The following MYLK4 variants were observed in gnomAD, a reference collection of about 807,000 sequenced individuals.
The protein encoded by MYLK4 is caMLCK like.
A neutral mutation model predicts 48.1 loss-of-function variants in MYLK4; 46 were observed. The observed-to-expected ratio is 0.96, with a 90% CI of 0.75 to 1.22. The LOEUF is 1.22. Ranked by LOEUF, MYLK4 falls within the 50% of genes most tolerant of loss-of-function variation. The probability of loss-of-function intolerance (pLI) is 0.00; values close to 1 mark genes in which losing one functional copy is unlikely to be tolerated. For synonymous variants in MYLK4, 170 were observed against 180.8 expected, an observed-to-expected ratio of 0.94 and a Z score of 0.48; for missense variants, 451 against 486.1, an observed-to-expected ratio of 0.93 and a Z score of 0.68.
At chr6:2,744,178 G>GTCC in intron 2 of MYLK4, 1 of 396,964 alleles carries the variant, frequency 2.5e-6, no homozygotes, top group Non-Finnish European at 4.4e-6. Flanking sequence ...TTCTTGCAGA[G>GTCC]TCCTGCACTG....
At chr6:2,758,576 C>A in the MYLK4 span, among the ~76,000 whole-genome samples, 4 of 151,978 alleles carry the variant, frequency 2.6e-5, no homozygotes, top group Admixed American at 6.6e-5. Flanking sequence ...TCCCCAAATT[C>A]AAAAATCCCA....
At chr6:2,765,976 C>A in the MYLK4 span, 1 of 1,401,196 alleles carries the variant, frequency 7.1e-7, no homozygotes, top group Non-Finnish European at 9.3e-7. Context: ...CCACACCCAG[C>A]GGCGCCCGCC....
At chr6:2,674,492 G>A (rs1761009903) in intron 11 of MYLK4, among the ~76,000 whole-genome samples, 1 of 152,086 alleles carries the variant, frequency 6.6e-6, no homozygotes, top group South Asian at 2.1e-4. Flanking sequence ...ATTTTATAAT[G>A]GATACAATAA....
At chr6:2,747,968 C>G (rs1461897381) in intron 2 of MYLK4, among the ~76,000 whole-genome samples, 2 of 152,162 alleles carry the variant, frequency 1.3e-5, no homozygotes, top group Non-Finnish European at 1.5e-5. Flanking sequence ...CAATCTGATT[C>G]ATTTATTCTC....
Position 2,749,136 on chromosome 6 carries a change from CT to C in MYLK4, c.158del (p.Glu53GlyfsTer11). ...GGAGACTAAATTAGAACATGATTAC[CT>C]CATTATGTCCAGATCTTGAATCCTG... is the stretch of plus-strand genomic sequence containing the variant. ...GDQDSRSGHN[E>X]AKEVWSNADL... On this transcript the variant is annotated frameshift_variant and splice_region_variant, in exon 2 of 13. Coordinates refer to ENST00000274643, the MANE Select transcript of MYLK4 (RefSeq NM_001012418.5). LOFTEE classifies it high-confidence loss of function. The C allele has an allele frequency of 6.2e-7, 1 of 1,612,228 alleles. No individual in the cohort carries two copies. Among genetic ancestry groups the C allele is most frequent in the Non-Finnish European group, 8.5e-7 (1 of 1,179,216 alleles).
intron 2 of MYLK4, among the ~76,000 whole-genome samples, chr6:2,704,700 T>C (rs1018510575): frequency 6.6e-6 from 1 of 152,248 alleles, no homozygotes; most frequent in African/African-American, 2.4e-5. Context: ...TTTTACTTTA[T>C]TATGATTATG....
At chr6:2,678,971 G>T (rs1381208242) in intron 9 of MYLK4, among the ~76,000 whole-genome samples, 2 of 152,034 alleles carry the variant, frequency 1.3e-5, no homozygotes, top group Non-Finnish European at 2.9e-5. Context: ...CAAAGTGCTG[G>T]GATTACAGGC....
the MYLK4 span, chr6:2,768,716 G>A: frequency 6.2e-7 from 1 of 1,611,732 alleles, no homozygotes; most frequent in East Asian, 2.2e-5. Flanking sequence ...ATCATAGCCA[G>A]CAACAGCAAG....
chr6:2,768,763 A>C, the MYLK4 span: 1 of 1,614,058 alleles, frequency 6.2e-7, no homozygotes, highest in South Asian at 1.1e-5. Context: ...ATCTGCAACA[A>C]ATGCCAAGAC....
intron 11 of MYLK4, among the ~76,000 whole-genome samples, chr6:2,674,825 C>T (rs893341221): frequency 1.3e-5 from 2 of 152,128 alleles, no homozygotes; most frequent in African/African-American, 2.4e-5. Flanking sequence ...GAGCTGAGAT[C>T]GTGCCATTGC....
chr6:2,763,989 G>A, the MYLK4 span, among the ~76,000 whole-genome samples: 1 of 152,200 alleles, frequency 6.6e-6, no homozygotes, highest in East Asian at 1.9e-4. Context: ...AAAATTACCT[G>A]GGTGTGGTGG....
the MYLK4 span, among the ~76,000 whole-genome samples, chr6:2,769,468 A>T: frequency 3.9e-4 from 59 of 151,282 alleles, no homozygotes; most frequent in Middle Eastern, 3.4e-3. Context: ...TACTCTAAAT[A>T]AAAAAAAATT....
the MYLK4 span, chr6:2,765,482 CCCT>C: frequency 1.8e-6 from 2 of 1,101,298 alleles, no homozygotes; most frequent in South Asian, 6.4e-5. Context: ...ATGAGCGGCG[CCCT>C]CCTCCGGCCC....
the MYLK4 span, chr6:2,766,256 G>T: frequency 6.5e-7 from 1 of 1,527,122 alleles, no homozygotes; most frequent in Non-Finnish European, 8.8e-7. Flanking sequence ...GCACCCCCGG[G>T]CGCTGGCTGC....
At chr6:2,676,902 G>A (rs1761100985) in intron 10 of MYLK4, among the ~76,000 whole-genome samples, 1 of 152,128 alleles carries the variant, frequency 6.6e-6, no homozygotes, top group Non-Finnish European at 1.5e-5. Context: ...CAGTAAATGT[G>A]GACTTCTCGT....
At chr6:2,728,209 T>G (rs551923621) in intron 2 of MYLK4, among the ~76,000 whole-genome samples, 2 of 152,188 alleles carry the variant, frequency 1.3e-5, no homozygotes, top group Non-Finnish European at 2.9e-5. Flanking sequence ...GCATCAGACA[T>G]TGGGCAGCAA....
At chr6:2,696,161 T>C (rs965069394) in intron 2 of MYLK4, among the ~76,000 whole-genome samples, 2 of 152,236 alleles carry the variant, frequency 1.3e-5, no homozygotes, top group African/African-American at 4.8e-5. Context: ...GTGGTCCAGA[T>C]GTCCAAGTAT....
chr6:2,676,928 A>G (rs572148382), intron 10 of MYLK4, among the ~76,000 whole-genome samples: 28 of 152,304 alleles, frequency 1.8e-4, no homozygotes, highest in African/African-American at 6.7e-4. Context: ...AAAGATTTGA[A>G]AGGGTTGACA....
At chr6:2,702,614 C>T (rs1762328940) in intron 2 of MYLK4, among the ~76,000 whole-genome samples, 1 of 152,076 alleles carries the variant, frequency 6.6e-6, no homozygotes, top group Non-Finnish European at 1.5e-5. Flanking sequence ...ACATACTGTA[C>T]ATATTTAAAA....
Sources: allele counts gnomAD v4.1 joint callset (sites outside exome capture counted in the v4.1 genomes callset), GRCh38; gene constraint gnomAD v4.1.1; transcripts MANE v1.5; gene names NCBI Gene and HGNC (gene_info 2026-07-23, HGNC 2026-07-21).